Variants in KALRN observed in about 807,000 individuals in gnomAD.
KALRN encodes kalirin RhoGEF kinase.
In KALRN, 70 loss-of-function variants were observed where a neutral mutation model predicts 353.7. The ratio of observed to expected loss-of-function variants is 0.20; its 90% CI spans 0.16 to 0.24. The LOEUF (loss-of-function observed/expected upper bound fraction) is 0.24, where lower values mean the gene tolerates loss of function less well. Among genes scored for constraint, KALRN ranks in the 10% least tolerant of loss-of-function variants. The pLI is 1.00. For synonymous variants in KALRN, 1,391 were observed against 1,434.8 expected, an observed-to-expected ratio of 0.97 and a Z score of 0.69; for missense variants, 2,791 against 3,756.7, an observed-to-expected ratio of 0.74 and a Z score of 6.72.
intron 1 of KALRN, among the ~76,000 whole-genome samples, chr3:124,056,381 T>C (rs1405841136): frequency 6.6e-6 from 1 of 152,066 alleles, no homozygotes; most frequent in Admixed American, 6.5e-5. Flanking sequence ...TGCAAAGGGG[T>C]ATGTCCCCAG....
intron 13 of KALRN, among the ~76,000 whole-genome samples, chr3:124,411,634 C>T (rs2092168949): frequency 6.6e-6 from 1 of 151,746 alleles, no homozygotes; most frequent in Non-Finnish European, 1.5e-5. Context: ...TTTGGAGAGA[C>T]AGGTTCTCAC....
At chr3:124,690,967 T>C (rs953978243) in intron 51 of KALRN, among the ~76,000 whole-genome samples, 2 of 152,212 alleles carry the variant, frequency 1.3e-5, no homozygotes, top group Admixed American at 6.5e-5. Flanking sequence ...TGAAATGAAG[T>C]CAAAGGTCAA....
intron 52 of KALRN, 33 bp from the exon 53 acceptor site, chr3:124,694,299 G>C (rs755656619): frequency 6.2e-7 from 1 of 1,601,456 alleles, no homozygotes; most frequent in Non-Finnish European, 8.5e-7. Flanking sequence ...AATTTGCTCT[G>C]AATGATGTTA....
chr3:124,636,963 T>C, intron 36 of KALRN: 1 of 467,156 alleles, frequency 2.1e-6, no homozygotes, highest in East Asian at 3.6e-5. Context: ...CTCCCCTCCT[T>C]CATAGGCTTG....
chr3:124,482,490 C>T lies in KALRN; in HGVS notation c.4192-318C>T, dbSNP rs533200882. Reference sequence around the variant, plus strand: ...TCCTACTTCATCTCTCCTTACCCTCCGCTCTGTTATTTACCTTATTGCTCT... The same window carrying T: ...TCCTACTTCATCTCTCCTTACCCTCTGCTCTGTTATTTACCTTATTGCTCT... On this transcript the variant is annotated intron_variant, in intron 27 of 59. Coordinates refer to ENST00000682506, the MANE Select transcript of KALRN (RefSeq NM_001388419.1). 1.8e-3 allele frequency among the ~76,000 whole-genome samples: 275 copies of T among 151,558 alleles called. 1 individual carries two copies. Among genetic ancestry groups the T allele is most frequent in the African/African-American group, 6.2e-3 (258 of 41,478 alleles).
intron 34 of KALRN, among the ~76,000 whole-genome samples, chr3:124,623,866 A>G (rs1293117513): frequency 6.6e-6 from 1 of 152,208 alleles, no homozygotes; most frequent in East Asian, 1.9e-4. Flanking sequence ...TGGTTAGGAT[A>G]TGTTCAGTGC....
chr3:124,237,631 G>A, intron 3 of KALRN, among the ~76,000 whole-genome samples: 1 of 152,116 alleles, frequency 6.6e-6, no homozygotes, highest in East Asian at 1.9e-4. Context: ...CCAAAGTGCT[G>A]GGATTACAGG....
intron 1 of KALRN, among the ~76,000 whole-genome samples, chr3:124,178,880 G>A (rs963835267): frequency 2.6e-5 from 4 of 152,148 alleles, no homozygotes; most frequent in Non-Finnish European, 5.9e-5. Context: ...CTAGAGGGGA[G>A]GATCGCTTGA....
chr3:124,702,443 A>C (rs2062386380), intron 57 of KALRN, among the ~76,000 whole-genome samples: 1 of 152,174 alleles, frequency 6.6e-6, no homozygotes, highest in Admixed American at 6.5e-5. Flanking sequence ...AGTTGTCTTC[A>C]ACTGTGAATT....
chr3:124,077,676 A>G (rs2060325635), intron 1 of KALRN, among the ~76,000 whole-genome samples: 1 of 152,230 alleles, frequency 6.6e-6, no homozygotes, highest in Non-Finnish European at 1.5e-5. Context: ...CTATTGCAAT[A>G]GGCTTCAAAC....
chr3:124,267,667 C>T (rs186272410), intron 4 of KALRN, among the ~76,000 whole-genome samples: 11 of 152,336 alleles, frequency 7.2e-5, no homozygotes, highest in African/African-American at 2.2e-4. Context: ...GCACCTCCTT[C>T]CTTCCTCTTA....
intron 1 of KALRN, among the ~76,000 whole-genome samples, chr3:124,214,361 G>A (rs1045621971): frequency 6.6e-6 from 1 of 152,118 alleles, no homozygotes; most frequent in Non-Finnish European, 1.5e-5. Flanking sequence ...AACATTTGAG[G>A]TTGTTTCTGA....
intron 2 of KALRN, among the ~76,000 whole-genome samples, chr3:124,232,449 G>A (rs369383189): frequency 3.9e-5 from 6 of 152,018 alleles, no homozygotes; most frequent in Admixed American, 6.6e-5. Flanking sequence ...TCTCCACCAC[G>A]TATCTCCATT....
rs2063391271 is a variant in KALRN at position 124,724,143 on chromosome 3, A to G, written c.*4673A>G. Reference sequence around the variant, plus strand: ...CATTACTTTTTTCTTGCCTCTGTGGAAGAGCATGGCAATTTAGATTTGTGA... The same window carrying G: ...CATTACTTTTTTCTTGCCTCTGTGGGAGAGCATGGCAATTTAGATTTGTGA... On this transcript the variant is annotated 3_prime_UTR_variant, in exon 60 of 60. Transcript: ENST00000682506. 6.6e-6 allele frequency: 1 copy of G among 151,994 alleles called. No individual in the cohort carries two copies. The highest frequency in any genetic ancestry group is 2.4e-5 in the African/African-American group (1 of 41,388). The allele number at this position is 151,994 out of a possible 1,614,324, so 9.4% of individuals were successfully genotyped here.
At chr3:124,701,388 C>T (rs333273) in intron 56 of KALRN, among the ~76,000 whole-genome samples, 74,256 of 99,128 alleles carry the variant, frequency 0.75, 25,287 homozygotes, top group East Asian at 0.82. Context: ...TTCTTTCTTT[C>T]TTTTTTTTTT....
chr3:124,237,058 C>T (rs1413748597), intron 3 of KALRN, among the ~76,000 whole-genome samples: 1 of 152,200 alleles, frequency 6.6e-6, no homozygotes, highest in Non-Finnish European at 1.5e-5. Context: ...ATTCTCTTGG[C>T]TACATGTCAC....
chr3:124,163,937 A>C, intron 1 of KALRN: 1 of 985,460 alleles, frequency 1.0e-6, no homozygotes, highest in Non-Finnish European at 1.2e-6. Context: ...TGTAGCTTTC[A>C]TAGCTCACAG....
chr3:124,667,063 G>T lies in KALRN; in HGVS notation c.6583G>T (p.Ala2195Ser), dbSNP rs2085729837. Reference protein sequence around the residue: ...ENVDNDPCKFALMNRETSERV... With the variant: ...ENVDNDPCKFSLMNRETSERV... The stretch of plus-strand genomic sequence containing the variant: ...TGTGGACAATGATCCCTGCAAGTTT[G>T]CACTCATGAACAGAGAGACTTCTGA... The change falls in exon 47 of 60, where the codon GCA becomes TCA. Residue 2195 changes from alanine to serine, a missense_variant. Transcript: ENST00000682506. 1.2e-6 allele frequency: 2 copies of T among 1,614,130 alleles called. No individual in the cohort carries two copies. Among genetic ancestry groups the T allele is most frequent in the Non-Finnish European group, 1.7e-6 (2 of 1,179,970 alleles).
chr3:124,462,744 C>T lies in KALRN; in HGVS notation c.4031+111C>T, dbSNP rs969011056. 7.9e-6 allele frequency: 5 copies of T among 629,262 alleles called. No homozygotes were observed. The Admixed American group carries it at 8.7e-5, about 11-fold the overall frequency. The allele number at this position is 629,262 out of a possible 1,614,324, so 39.0% of individuals were successfully genotyped here. A position where few individuals can be genotyped will look rare whatever the true frequency, so the allele number is the denominator to read the frequency against. On this transcript the variant is annotated intron_variant, in intron 25 of 59. Coordinates refer to ENST00000682506, the MANE Select transcript of KALRN (RefSeq NM_001388419.1). ...TGGTGAATCTTATCTGGTCAGTTTTCTAAGGCAGTTGCTGTCAGACTTCTT... is the reference window on the plus strand; with the variant it reads ...TGGTGAATCTTATCTGGTCAGTTTTTTAAGGCAGTTGCTGTCAGACTTCTT...
Sources: gnomAD v4.1 joint callset for allele counts (sites outside exome capture counted in the v4.1 genomes callset) on GRCh38, gnomAD v4.1.1 for gene constraint, MANE v1.5 for transcripts, NCBI Gene and HGNC (gene_info 2026-07-23, HGNC 2026-07-21) for gene names.